The following CCDC149 variants were observed in gnomAD, a reference collection of about 807,000 sequenced individuals.
The protein encoded by CCDC149 is coiled-coil domain-containing protein 149.
CCDC149 carries 45 observed loss-of-function variants against 59.9 expected under a neutral mutation model. That is an observed-to-expected ratio of 0.75 (90% CI 0.59 to 0.96). The LOEUF (loss-of-function observed/expected upper bound fraction) is 0.96. CCDC149 is among the 40% of genes least tolerant of loss of function. The pLI, the probability that CCDC149 is intolerant of heterozygous loss-of-function variation, is 0.00. For synonymous variants in CCDC149, 245 were observed against 260.6 expected (o/e 0.94, Z 0.58); for missense variants, 584 against 664.7 (o/e 0.88, Z 1.33).
chr4:24,852,287 TACAC>T (rs768071017), intron 4 of CCDC149, among the ~76,000 whole-genome samples: 3,406 of 121,266 alleles, frequency 0.028, 38 homozygotes, highest in African/African-American at 0.042. Context: ...CAACACACCA[TACAC>T]ACACACACAC....
chr4:24,873,033 A>G (rs545126550), intron 3 of CCDC149, among the ~76,000 whole-genome samples: 1 of 144,206 alleles, frequency 6.9e-6, no homozygotes, highest in African/African-American at 2.9e-5. Flanking sequence ...CACCCACCAA[A>G]TGGTATGCAC....
intron 1 of CCDC149, among the ~76,000 whole-genome samples, chr4:24,974,874 G>A (rs1010764344): frequency 6.6e-6 from 1 of 151,998 alleles, no homozygotes; most frequent in African/African-American, 2.4e-5. Context: ...GTGAAAGAGG[G>A]GTTGAAAGGG....
chr4:24,964,207 A>T (rs1439787274), intron 1 of CCDC149, among the ~76,000 whole-genome samples: 1 of 151,036 alleles, frequency 6.6e-6, no homozygotes, highest in Non-Finnish European at 1.5e-5. Flanking sequence ...AAAAAAAAAA[A>T]AAAAGAGCCA....
At chr4:24,858,819 C>T (rs16876245) in intron 3 of CCDC149, among the ~76,000 whole-genome samples, 3 of 152,110 alleles carry the variant, frequency 2.0e-5, no homozygotes, top group East Asian at 1.9e-4. Context: ...ATAGAGCTGT[C>T]GGATCTCACC....
intron 3 of CCDC149, among the ~76,000 whole-genome samples, chr4:24,871,168 G>C (rs779899095): frequency 6.6e-6 from 1 of 151,874 alleles, no homozygotes; most frequent in African/African-American, 2.4e-5. Context: ...AGAAAGGAAG[G>C]GAGCGTATAA....
chr4:24,864,603 A>T (rs778379106), intron 3 of CCDC149, among the ~76,000 whole-genome samples: 2 of 151,916 alleles, frequency 1.3e-5, no homozygotes, highest in Non-Finnish European at 2.9e-5. Context: ...TGATAAAAAA[A>T]CTCCGGTCTC....
At chr4:24,849,397 T>C in intron 4 of CCDC149, among the ~76,000 whole-genome samples, 1 of 152,176 alleles carries the variant, frequency 6.6e-6, no homozygotes, top group East Asian at 1.9e-4. Context: ...ACATCTCTCA[T>C]CTGGTTTGGC....
chr4:24,937,477 T>C (rs1484025412), intron 1 of CCDC149, among the ~76,000 whole-genome samples: 1 of 152,226 alleles, frequency 6.6e-6, no homozygotes, highest in African/African-American at 2.4e-5. Context: ...AAATAGGTTA[T>C]GCTGCAGTGA....
At chr4:24,823,001 T>A (rs1187107149) in intron 9 of CCDC149, 1 of 153,266 alleles carries the variant, frequency 6.5e-6, no homozygotes, top group Non-Finnish European at 1.5e-5. Context: ...AAAAATAAGA[T>A]GGATGGACAT....
Position 24,908,095 on chromosome 4 carries a change from C to G in CCDC149, c.63+4722G>C, listed in dbSNP as rs572130709. On this transcript the variant is annotated intron_variant, in intron 1 of 12. Transcript: ENST00000635206. ...CATAACTTGATTATATCTGCAAAGA[C>G]CCTACTTCCAAATAAGGTCACATTC... Among the ~76,000 whole-genome samples, 23 of 152,280 alleles carry G rather than the reference C, an allele frequency of 1.5e-4. 1 individual carries two copies. The South Asian group carries it at 4.8e-3, about 32-fold the overall frequency.
chr4:24,837,048 T>C lies in CCDC149; in HGVS notation c.662+180A>G, dbSNP rs1716584789. 1.3e-5 allele frequency among the ~76,000 whole-genome samples: 2 copies of C among 150,622 alleles called. 1 individual carries two copies. Among genetic ancestry groups the C allele is most frequent in the South Asian group, 4.2e-4 (2 of 4,762 alleles). ...TGCACTGTGTAGGTGTGGGCTGCTTTCCTTTTTCACTTTTGCAACTAATAC... is the reference window on the plus strand; with the variant it reads ...TGCACTGTGTAGGTGTGGGCTGCTTCCCTTTTTCACTTTTGCAACTAATAC... On this transcript the variant is annotated intron_variant, in intron 6 of 12. Coordinates refer to ENST00000635206, the MANE Select transcript of CCDC149 (RefSeq NM_001330643.2). The surrounding 1 kb of genome is among the most constrained non-coding windows in gnomAD (Gnocchi z 4.3).
Position 24,836,459 on chromosome 4 carries a change from T to G in CCDC149, c.712A>C (p.Lys238Gln). The G allele has an allele frequency of 6.2e-7, 1 of 1,612,552 alleles. No homozygotes were observed. The highest frequency in any genetic ancestry group is 1.3e-5 in the African/African-American group (1 of 75,020). The change falls in exon 7 of 13, where the codon AAA (lysine) becomes CAA (glutamine). Residue 238 changes from lysine to glutamine, a missense_variant. Physicochemically the swap from Lys to Gln is moderately conservative, Grantham distance 53. Coordinates refer to ENST00000635206, the MANE Select transcript of CCDC149 (RefSeq NM_001330643.2). Reference sequence around the variant, plus strand: ...ACCTTGTATTTGGCAATGTTTGATTTCAAGAGGTTGACCTCTTCATGGAGT... The same window carrying G: ...ACCTTGTATTTGGCAATGTTTGATTGCAAGAGGTTGACCTCTTCATGGAGT...
At chr4:24,825,592 T>C (rs1174553455) in intron 9 of CCDC149, among the ~76,000 whole-genome samples, 1 of 151,724 alleles carries the variant, frequency 6.6e-6, no homozygotes, top group African/African-American at 2.4e-5. Context: ...GCTAACATGG[T>C]GAAACCCCGT....
chr4:24,965,913 C>G (rs550799500), intron 1 of CCDC149, among the ~76,000 whole-genome samples: 2 of 152,220 alleles, frequency 1.3e-5, no homozygotes, highest in Non-Finnish European at 2.9e-5. Context: ...TGATCACCCA[C>G]GTAAGCTCAT....
At chr4:24,844,832 C>T (rs1190938834) in intron 4 of CCDC149, among the ~76,000 whole-genome samples, 1 of 152,038 alleles carries the variant, frequency 6.6e-6, no homozygotes, top group Non-Finnish European at 1.5e-5. Flanking sequence ...TGCCCTGGGC[C>T]CAAAGCTTTT....
rs1490361356 is a variant in CCDC149 at position 24,839,057 on chromosome 4, CACACAGAGAGAGAG to C, written c.373-799_373-786del. Among the ~76,000 whole-genome samples the C allele has an allele frequency of 9.7e-3, 1,386 of 143,132 alleles. 20 individuals carry two copies. The highest frequency in any genetic ancestry group is 0.033 in the African/African-American group (1,322 of 39,698). The allele number at this position is 143,132 out of a possible 152,430, so 93.9% of individuals were successfully genotyped here. On this transcript the variant is annotated intron_variant, in intron 4 of 12. Coordinates refer to ENST00000635206, the MANE Select transcript of CCDC149 (RefSeq NM_001330643.2). ...ACACACACACACACACACACACACA[CACACAGAGAGAGAG>C]AGAGAAAGAGAGAGAGAGAAAGAGA...
At chr4:24,894,988 A>G (rs375304370) in intron 1 of CCDC149, 9 of 1,536,090 alleles carry the variant, frequency 5.9e-6, no homozygotes, top group Non-Finnish European at 7.8e-6. Flanking sequence ...TGGTTTGTCA[A>G]TACCTCAGAA....
chr4:24,964,113 G>A (rs1219439712), intron 1 of CCDC149, among the ~76,000 whole-genome samples: 1 of 150,388 alleles, frequency 6.6e-6, no homozygotes, highest in Non-Finnish European at 1.5e-5. Context: ...AGGATCGGTT[G>A]AGCCCAGGAG....
intron 1 of CCDC149, among the ~76,000 whole-genome samples, chr4:24,910,588 T>C (rs1721816805): frequency 6.6e-6 from 1 of 152,206 alleles, no homozygotes; most frequent in South Asian, 2.1e-4. Context: ...ACCAAGCCAT[T>C]TGCTGCGGAC....
Sources: allele counts gnomAD v4.1 joint callset (sites outside exome capture counted in the v4.1 genomes callset), GRCh38; gene constraint gnomAD v4.1.1; non-coding constraint Gnocchi (gnomAD v3.1); transcripts MANE v1.5; gene names NCBI Gene and HGNC (gene_info 2026-07-23, HGNC 2026-07-21).